SNRNP48: variants seen among roughly 807,000 people sequenced by gnomAD.
The protein encoded by SNRNP48 is small nuclear ribonucleoprotein U11/U12 subunit 48.
In SNRNP48, 43 loss-of-function variants were observed where a neutral mutation model predicts 47.0. The observed-to-expected ratio is 0.92, with a 90% CI of 0.72 to 1.18. The LOEUF (loss-of-function observed/expected upper bound fraction) is 1.18. Ranked by LOEUF, SNRNP48 falls within the 50% of genes most tolerant of loss-of-function variation. The probability of loss-of-function intolerance (pLI) is 0.00; values close to 1 mark genes in which losing one functional copy is unlikely to be tolerated. For synonymous variants in SNRNP48, 138 were observed against 144.0 expected, an observed-to-expected ratio of 0.96 and a Z score of 0.30; for missense variants, 396 against 422.2, an observed-to-expected ratio of 0.94 and a Z score of 0.54.
rs62388101 is a variant in SNRNP48 at position 7,594,634 on chromosome 6, A to C, written c.332-393A>C. 3.0e-3 allele frequency among the ~76,000 whole-genome samples: 450 copies of C among 152,352 alleles called. 1 individual carries two copies. Among genetic ancestry groups the C allele is most frequent in the Non-Finnish European group, 4.6e-3 (315 of 68,040 alleles). On this transcript the variant is annotated intron_variant, in intron 3 of 8. Coordinates refer to ENST00000342415, the MANE Select transcript of SNRNP48 (RefSeq NM_152551.4). ...TTTATAAAATGGAGATGGTTATAAT[A>C]GCACTTTGCGAAGATTAAGTGATAT... is the stretch of plus-strand genomic sequence containing the variant.
At chr6:7,597,330 TG>T (rs1265079583) in intron 4 of SNRNP48, among the ~76,000 whole-genome samples, 2 of 152,252 alleles carry the variant, frequency 1.3e-5, no homozygotes, top group East Asian at 3.8e-4. Flanking sequence ...TTATTTATGA[TG>T]TCTTTCATGA....
chr6:7,602,758 A>G lies in SNRNP48; in HGVS notation c.717+14A>G. 6.5e-7 allele frequency: 1 copy of G among 1,529,840 alleles called. No individual in the cohort carries two copies. 94.8% of individuals were successfully genotyped at this position (1,529,840 alleles called of 1,614,324 possible). A position where few individuals can be genotyped will look rare whatever the true frequency, so the allele number is the denominator to read the frequency against. ...TCATATACTGAGGTAAGTTTTACAT[A>G]ATCTTTGTTGATAAGAATTTCCCTT... is the stretch of plus-strand genomic sequence containing the variant. On this transcript the variant is annotated intron_variant, in intron 6 of 8. Transcript: ENST00000342415.
chr6:7,592,315 G>A (rs1289349603), intron 1 of SNRNP48, among the ~76,000 whole-genome samples: 1 of 151,780 alleles, frequency 6.6e-6, no homozygotes, highest in Non-Finnish European at 1.5e-5. Flanking sequence ...GTAGAATGGT[G>A]ATGGTGGGTA....
chr6:7,598,061 G>T (rs1234109821), intron 4 of SNRNP48, among the ~76,000 whole-genome samples: 1 of 151,352 alleles, frequency 6.6e-6, no homozygotes, highest in Non-Finnish European at 1.5e-5. Context: ...TAGAGACGGG[G>T]TTTCACTGTG....
rs1025626190 is a variant in SNRNP48 at position 7,611,959 on chromosome 6, T to C, written c.*3086T>C. 3.3e-5 allele frequency: 5 copies of C among 152,234 alleles called. No individual in the cohort carries two copies. Among genetic ancestry groups the C allele is most frequent in the African/African-American group, 1.2e-4 (5 of 41,458 alleles). The allele number at this position is 152,234 out of a possible 1,614,324, so 9.4% of individuals were successfully genotyped here. A position where few individuals can be genotyped will look rare whatever the true frequency, so the allele number is the denominator to read the frequency against. ...GTGAATTATTAAACTAACGCTCTTTTAAACCACACTTGTTTTATTAGTGAT... is the reference window on the plus strand; with the variant it reads ...GTGAATTATTAAACTAACGCTCTTTCAAACCACACTTGTTTTATTAGTGAT... On this transcript the variant is annotated 3_prime_UTR_variant, in exon 9 of 9. Transcript: ENST00000342415.
chr6:7,606,592 G>T (rs540124916), intron 8 of SNRNP48, among the ~76,000 whole-genome samples: 33 of 152,258 alleles, frequency 2.2e-4, no homozygotes, highest in African/African-American at 7.7e-4. Flanking sequence ...ATAAGGGTAT[G>T]TAGGGTCAGA....
Position 7,590,236 on chromosome 6 carries a change from TCTTGGCGGGTGGGCTGCAG to T in SNRNP48, c.-19_-1del. ...TGCGGTCTGCAGTTCGGCCGCTTCC[TCTTGGCGGGTGGGCTGCAG>T]CTATGGAGGGCGAGCCTCCACCTGT... On this transcript the variant is annotated 5_prime_UTR_variant, in exon 1 of 9. Coordinates refer to ENST00000342415, the MANE Select transcript of SNRNP48 (RefSeq NM_152551.4). 2 of 1,298,234 alleles carry T rather than the reference TCTTGGCGGGTGGGCTGCAG, an allele frequency of 1.5e-6. No homozygotes were observed. Among genetic ancestry groups the T allele is most frequent in the Non-Finnish European group, 2.0e-6 (2 of 1,015,482 alleles). The allele number at this position is 1,298,234 out of a possible 1,614,324, so 80.4% of individuals were successfully genotyped here.
rs1561714499 is a variant in SNRNP48, at chr6:7,602,761, C to G, written c.717+17C>G. ...TATACTGAGGTAAGTTTTACATAAT[C>G]TTTGTTGATAAGAATTTCCCTTAGG... is the stretch of plus-strand genomic sequence containing the variant. On this transcript the variant is annotated intron_variant, in intron 6 of 8. Coordinates refer to ENST00000342415, the MANE Select transcript of SNRNP48 (RefSeq NM_152551.4). 6.6e-7 allele frequency: 1 copy of G among 1,521,346 alleles called. No individual in the cohort carries two copies. Among genetic ancestry groups the G allele is most frequent in the Non-Finnish European group, 8.8e-7 (1 of 1,137,850 alleles). 94.2% of individuals were successfully genotyped at this position (1,521,346 alleles called of 1,614,324 possible). A position where few individuals can be genotyped will look rare whatever the true frequency, so the allele number is the denominator to read the frequency against.
intron 4 of SNRNP48, among the ~76,000 whole-genome samples, chr6:7,598,221 G>A (rs901568096): frequency 2.0e-5 from 3 of 151,520 alleles, no homozygotes; most frequent in African/African-American, 7.3e-5. Flanking sequence ...TTGGCCACGT[G>A]TGGTGGCTCC....
At chr6:7,593,878 T>C (rs750790230) in intron 2 of SNRNP48, 31 bp downstream of exon 2, 2 of 1,413,814 alleles carry the variant, frequency 1.4e-6, no homozygotes, top group Admixed American at 2.3e-5. Context: ...TATATATACA[T>C]ATATGTCATG....
At chr6:7,603,676 C>G (rs910639835) in intron 6 of SNRNP48, among the ~76,000 whole-genome samples, 1 of 152,178 alleles carries the variant, frequency 6.6e-6, no homozygotes, top group African/African-American at 2.4e-5. Context: ...TAATCTATCA[C>G]TAGTTTATTG....
At chr6:7,594,736 C>T (rs1468565403) in intron 3 of SNRNP48, among the ~76,000 whole-genome samples, 1 of 152,180 alleles carries the variant, frequency 6.6e-6, no homozygotes, top group Admixed American at 6.5e-5. Context: ...GTGACCATTA[C>T]AGCACAGGCT....
intron 4 of SNRNP48, among the ~76,000 whole-genome samples, chr6:7,597,638 AAT>A (rs1561712526): frequency 6.6e-6 from 1 of 152,122 alleles, no homozygotes; most frequent in Non-Finnish European, 1.5e-5. Flanking sequence ...AAGATAATGA[AAT>A]GGATGAGTTT....
At position 7,594,168 on chromosome 6, in the gene SNRNP48, TAA is replaced by T. The variant is rs1334102174; in HGVS notation, c.331+10_331+11del. 5 of 1,224,390 alleles carry T rather than the reference TAA, an allele frequency of 4.1e-6. No homozygotes were observed. Among genetic ancestry groups the T allele is most frequent in the African/African-American group, 3.1e-5 (2 of 64,486 alleles). The allele number at this position is 1,224,390 out of a possible 1,614,324, so 75.8% of individuals were successfully genotyped here. A position where few individuals can be genotyped will look rare whatever the true frequency, so the allele number is the denominator to read the frequency against. ...ACCTTCGATTACTTTGAGTAAGTAT[TAA>T]GTTATTATAATTTAAAAATATCTTA... On this transcript the variant is annotated intron_variant, in intron 3 of 8. Transcript: ENST00000342415.
At chr6:7,601,577 G>A (rs1020306334) in intron 5 of SNRNP48, 53 bp downstream of exon 5, 2 of 1,446,692 alleles carry the variant, frequency 1.4e-6, no homozygotes, top group Non-Finnish European at 1.8e-6. Flanking sequence ...TTTATTCTAT[G>A]AGTGTTATTA....
intron 6 of SNRNP48, 139 bp from the exon 7 acceptor site, chr6:7,605,259 T>TAAA (rs1242061851): frequency 1.5e-6 from 1 of 645,218 alleles, no homozygotes; most frequent in African/African-American, 1.8e-5. Flanking sequence ...CTGTGTTCTC[T>TAAA]AAACTGCACA....
chr6:7,607,311 C>T (rs1457558663), intron 8 of SNRNP48, among the ~76,000 whole-genome samples: 2 of 152,092 alleles, frequency 1.3e-5, no homozygotes, highest in Non-Finnish European at 2.9e-5. Context: ...AAGTGAGACC[C>T]TGTCTCAAAA....
chr6:7,599,951 G>A, intron 4 of SNRNP48: 4 of 1,009,088 alleles, frequency 4.0e-6, no homozygotes, highest in Non-Finnish European at 4.9e-6. Context: ...AAAATAACAG[G>A]CAAAGGTTTA....
intron 4 of SNRNP48, among the ~76,000 whole-genome samples, chr6:7,597,132 C>T (rs534805870): frequency 1.4e-4 from 22 of 152,166 alleles, no homozygotes; most frequent in Non-Finnish European, 2.4e-4. Context: ...GATATTTTCC[C>T]CTCCATAATA....
Sources: gnomAD v4.1 joint callset for allele counts (sites outside exome capture counted in the v4.1 genomes callset) on GRCh38, gnomAD v4.1.1 for gene constraint, MANE v1.5 for transcripts, NCBI Gene and HGNC (gene_info 2026-07-23, HGNC 2026-07-21) for gene names.